Variants in ARHGAP10 observed in about 807,000 individuals in gnomAD.
ARHGAP10 encodes the protein Rho GTPase activating protein 10.
A neutral mutation model predicts 108.6 loss-of-function variants in ARHGAP10; 87 were observed. The observed-to-expected ratio is 0.80, with a 90% CI of 0.67 to 0.96. The LOEUF (loss-of-function observed/expected upper bound fraction) is 0.96. Ranked by LOEUF, ARHGAP10 falls within the 40% of genes least tolerant of loss-of-function variation. The pLI, the probability that ARHGAP10 is intolerant of heterozygous loss-of-function variation, is 0.00. For missense variants in ARHGAP10, 939 were observed against 954.5 expected (o/e 0.98, Z 0.21); for synonymous variants, 347 against 341.1 (o/e 1.02, Z -0.19).
intron 18 of ARHGAP10, among the ~76,000 whole-genome samples, chr4:147,975,723 A>G (rs897931838): frequency 3.3e-5 from 5 of 152,276 alleles, no homozygotes; most frequent in Admixed American, 3.3e-4. Context: ...TGACCTAATG[A>G]CCTCTTAAAG....
chr4:147,974,889 A>G (rs1739534836), intron 18 of ARHGAP10, among the ~76,000 whole-genome samples: 1 of 152,190 alleles, frequency 6.6e-6, no homozygotes, highest in Non-Finnish European at 1.5e-5. Flanking sequence ...TCCCCTTTAT[A>G]AAACCATCAG....
intron 18 of ARHGAP10, among the ~76,000 whole-genome samples, chr4:147,994,640 T>C (rs1031894297): frequency 6.6e-6 from 1 of 152,248 alleles, no homozygotes; most frequent in African/African-American, 2.4e-5. Context: ...CTGTACTCTT[T>C]AATTTGTTGC....
In ARHGAP10 at chr4:147,733,142, A is replaced by G. The variant is rs527923866; in HGVS notation, c.154+687A>G. ...TCTAGCCTAGGCGGGCACTGCTTGC[A>G]AATAGGGAATTCCACCCCGGTTAGG... On this transcript the variant is annotated intron_variant, in intron 1 of 22. Coordinates refer to ENST00000336498, the MANE Select transcript of ARHGAP10 (RefSeq NM_024605.4). Among the ~76,000 whole-genome samples, 6 of 152,228 alleles carry G rather than the reference A, an allele frequency of 3.9e-5. No individual in the cohort carries two copies. The East Asian group carries it at 9.7e-4, about 25-fold the overall frequency.
At chr4:147,968,497 G>A (rs937363790) in intron 18 of ARHGAP10, among the ~76,000 whole-genome samples, 2 of 152,104 alleles carry the variant, frequency 1.3e-5, no homozygotes, top group African/African-American at 4.8e-5. Context: ...CCCCTTAATT[G>A]TTCTAACAGT....
At chr4:147,885,341 A>G (rs548285484) in intron 10 of ARHGAP10, among the ~76,000 whole-genome samples, 1 of 152,340 alleles carries the variant, frequency 6.6e-6, no homozygotes, top group East Asian at 1.9e-4. Context: ...CACATCTTAC[A>G]TGGCAGCAGG....
intron 1 of ARHGAP10, among the ~76,000 whole-genome samples, chr4:147,791,403 C>T (rs558478641): frequency 5.0e-4 from 76 of 150,756 alleles, no homozygotes; most frequent in African/African-American, 1.7e-3. Context: ...TGAGCCACTG[C>T]GCCCGGCCTC....
At chr4:147,967,032 A>G (rs1660757241) in intron 18 of ARHGAP10, among the ~76,000 whole-genome samples, 193 bp downstream of exon 18, 2 of 152,200 alleles carry the variant, frequency 1.3e-5, no homozygotes, top group Admixed American at 1.3e-4. Context: ...TCTGAAATTT[A>G]TCTGGTCTTT....
chr4:148,065,695 T>C (rs1346529888), intron 22 of ARHGAP10: 1 of 152,214 alleles, frequency 6.6e-6, no homozygotes, highest in Non-Finnish European at 1.5e-5. Context: ...AGAAATGTGA[T>C]GAATTTTTAT....
rs200273649 is a variant in ARHGAP10, at chr4:147,855,667, CTATA to C, written c.385-1884_385-1881del. On this transcript the variant is annotated intron_variant, in intron 4 of 22. Coordinates refer to ENST00000336498, the MANE Select transcript of ARHGAP10 (RefSeq NM_024605.4). ...TCTTTTTGGTAAGAAAACTTAGGTT[CTATA>C]TTGTCAGATGGTTTTTTTTTTTTTT... Among the ~76,000 whole-genome samples, 80 of 129,846 alleles carry C rather than the reference CTATA, an allele frequency of 6.2e-4. 1 individual carries two copies. The East Asian group carries it at 0.016, about 26-fold the overall frequency. The allele number at this position is 129,846 out of a possible 152,430, so 85.2% of individuals were successfully genotyped here. A position where few individuals can be genotyped will look rare whatever the true frequency, so the allele number is the denominator to read the frequency against.
At chr4:147,832,059 T>C (rs1414459664) in intron 3 of ARHGAP10, among the ~76,000 whole-genome samples, 1 of 151,978 alleles carries the variant, frequency 6.6e-6, no homozygotes, top group Non-Finnish European at 1.5e-5. Flanking sequence ...CCAACTCTGC[T>C]CTCTTCTTCC....
intron 18 of ARHGAP10, among the ~76,000 whole-genome samples, chr4:147,997,244 C>T (rs1419278306): frequency 6.6e-6 from 1 of 152,158 alleles, no homozygotes; most frequent in East Asian, 1.9e-4. Flanking sequence ...AAACGTATTG[C>T]AGCAGGAGGG....
intron 1 of ARHGAP10, among the ~76,000 whole-genome samples, chr4:147,791,670 C>G (rs539538832): frequency 3.3e-5 from 5 of 151,864 alleles, no homozygotes; most frequent in Non-Finnish European, 7.4e-5. Context: ...CTGTAACTTC[C>G]GCCTCCTGGG....
intron 8 of ARHGAP10, among the ~76,000 whole-genome samples, chr4:147,876,087 G>A (rs558402232): frequency 6.6e-6 from 1 of 152,256 alleles, no homozygotes; most frequent in South Asian, 2.1e-4. Context: ...CTCAGGGAAC[G>A]GTTACAGGGT....
In ARHGAP10 at chr4:147,930,353, T is replaced by TA. The variant is rs1349890880; in HGVS notation, c.1229-9471dup. On this transcript the variant is annotated intron_variant, in intron 13 of 22. Coordinates refer to ENST00000336498, the MANE Select transcript of ARHGAP10 (RefSeq NM_024605.4). Reference sequence around the variant, plus strand: ...ATTTCCCTTACTGATTAATCATCAATATATTAATTGTTCATTTATTTTTCA... The same window carrying TA: ...ATTTCCCTTACTGATTAATCATCAATAATATTAATTGTTCATTTATTTTTCA... Among the ~76,000 whole-genome samples, 4 of 152,214 alleles carry TA rather than the reference T, an allele frequency of 2.6e-5. No homozygotes were observed. In the East Asian group the frequency reaches 7.7e-4, roughly 29 times the overall value.
chr4:147,844,250 T>G (rs947426467), intron 3 of ARHGAP10, among the ~76,000 whole-genome samples: 2 of 152,202 alleles, frequency 1.3e-5, no homozygotes, highest in African/African-American at 4.8e-5. Context: ...TTATATTAGA[T>G]ATTTTGATAG....
At chr4:147,909,830 T>A (rs2126915299) in intron 12 of ARHGAP10, 53 bp downstream of exon 12, 2 of 1,536,760 alleles carry the variant, frequency 1.3e-6, no homozygotes, top group Non-Finnish European at 9.0e-7. Flanking sequence ...TCTATTACTT[T>A]GTGTACATTA....
chr4:148,043,139 A>T (rs1728705889), intron 19 of ARHGAP10, among the ~76,000 whole-genome samples: 1 of 152,238 alleles, frequency 6.6e-6, no homozygotes, highest in South Asian at 2.1e-4. Context: ...ATGGCTGCAG[A>T]CAGCTCTGAG....
chr4:147,930,217 A>G lies in ARHGAP10; in HGVS notation c.1229-9608A>G, dbSNP rs10021285. ...TATTTCTGTAGAATCATACGGCTGC[A>G]AAATCCTTTTTAATCATTTCATGCC... is the stretch of plus-strand genomic sequence containing the variant. On this transcript the variant is annotated intron_variant, in intron 13 of 22. Coordinates refer to ENST00000336498, the MANE Select transcript of ARHGAP10 (RefSeq NM_024605.4). Among the ~76,000 whole-genome samples the G allele has an allele frequency of 7.1e-3, 1,082 of 152,270 alleles. 18 individuals are homozygous for G. The highest frequency in any genetic ancestry group is 0.025 in the African/African-American group (1,030 of 41,556).
intron 1 of ARHGAP10, among the ~76,000 whole-genome samples, chr4:147,784,290 A>G (rs990431201): frequency 1.7e-5 from 2 of 120,098 alleles, no homozygotes; most frequent in African/African-American, 3.2e-5. Flanking sequence ...ATTAAATTAT[A>G]TAATTTACAT....
Sources: allele counts gnomAD v4.1 joint callset (sites outside exome capture counted in the v4.1 genomes callset), GRCh38; gene constraint gnomAD v4.1.1; transcripts MANE v1.5; gene names NCBI Gene and HGNC (gene_info 2026-07-23, HGNC 2026-07-21).